The following DLGAP4 variants were observed in gnomAD, a reference collection of about 807,000 sequenced individuals.
The protein encoded by DLGAP4 is disks large-associated protein 4.
In DLGAP4, 18 loss-of-function variants were observed where a neutral mutation model predicts 86.9. The ratio of observed to expected loss-of-function variants is 0.21; its 90% confidence interval spans 0.14 to 0.31. DLGAP4 has a LOEUF of 0.31. Among genes scored for constraint, DLGAP4 ranks in the 10% least tolerant of loss-of-function variants. DLGAP4 has a pLI of 1.00. For synonymous variants in DLGAP4, 548 were observed against 574.3 expected (o/e 0.95, Z 0.65); for missense variants, 1,085 against 1,362.6 (o/e 0.80, Z 3.21).
At chr20:36,470,850 C>T (rs2034629925) in intron 7 of DLGAP4, among the ~76,000 whole-genome samples, 1 of 152,240 alleles carries the variant, frequency 6.6e-6, no homozygotes, top group African/African-American at 2.4e-5. Context: ...TTTCCATTGA[C>T]GGATAGACCA....
intron 2 of DLGAP4, among the ~76,000 whole-genome samples, chr20:36,425,807 G>A (rs1455076808): frequency 6.6e-6 from 1 of 152,132 alleles, no homozygotes; most frequent in East Asian, 1.9e-4. Flanking sequence ...GGCGACAAGA[G>A]CAAGACTCCA....
intron 2 of DLGAP4, among the ~76,000 whole-genome samples, chr20:36,409,323 C>T (rs917503920): frequency 1.3e-5 from 2 of 151,382 alleles, no homozygotes; most frequent in East Asian, 1.9e-4. Context: ...TGTGAGCCAC[C>T]GTGCACAACC....
At chr20:36,328,015 G>A (rs1047506630) in intron 1 of DLGAP4, among the ~76,000 whole-genome samples, 24 of 151,408 alleles carry the variant, frequency 1.6e-4, no homozygotes, top group African/African-American at 5.6e-4. Flanking sequence ...CCTGGCCAAC[G>A]TGGTGAAACT....
intron 2 of DLGAP4, among the ~76,000 whole-genome samples, chr20:36,381,208 GGCA>G (rs2031380854): frequency 6.6e-6 from 1 of 152,046 alleles, no homozygotes; most frequent in African/African-American, 2.4e-5. Flanking sequence ...TTGTGTTTTG[GGCA>G]CTGAACACAG....
At chr20:36,344,006 T>G (rs1029771547) in intron 1 of DLGAP4, among the ~76,000 whole-genome samples, 2 of 152,202 alleles carry the variant, frequency 1.3e-5, no homozygotes, top group South Asian at 4.1e-4. Context: ...AGGGGAGTGC[T>G]GTTCACCTTG....
At chr20:36,309,486 C>G (rs1251477750) in intron 1 of DLGAP4, among the ~76,000 whole-genome samples, 2 of 152,206 alleles carry the variant, frequency 1.3e-5, no homozygotes, top group Non-Finnish European at 2.9e-5. Context: ...CATGACTGTC[C>G]ATGTGCGTTC....
Position 36,469,610 on chromosome 20 carries a change from G to A in DLGAP4, c.1648+22673G>A, listed in dbSNP as rs574070489. The stretch of plus-strand genomic sequence containing the variant: ...TCTACTAAAAATACAAAAATTAGCC[G>A]AGCGTGGTGGAACATGCCTGTAATC... On this transcript the variant is annotated intron_variant, in intron 7 of 12. Coordinates refer to ENST00000339266, the MANE Select transcript of DLGAP4 (RefSeq NM_001365621.2). Among the ~76,000 whole-genome samples the A allele has an allele frequency of 2.0e-4, 30 of 152,122 alleles. No individual in the cohort carries two copies. The South Asian group carries it at 5.2e-3, about 26-fold the overall frequency.
At chr20:36,439,957 C>T in intron 5 of DLGAP4, 89 bp downstream of exon 5, 1 of 1,141,704 alleles carries the variant, frequency 8.8e-7, no homozygotes, top group Non-Finnish European at 1.3e-6. Context: ...CCAGCCCATG[C>T]TGAGTGGCCC....
At chr20:36,515,045 C>A (rs1333050240) in intron 10 of DLGAP4, among the ~76,000 whole-genome samples, 1 of 152,092 alleles carries the variant, frequency 6.6e-6, no homozygotes, top group Non-Finnish European at 1.5e-5. Context: ...CCAGTCACTC[C>A]AAGGACCACT....
At chr20:36,446,654 G>A (rs1485503297) in intron 6 of DLGAP4, 43 bp from the exon 7 acceptor site, 3 of 1,559,432 alleles carry the variant, frequency 1.9e-6, no homozygotes, top group African/African-American at 2.7e-5. Flanking sequence ...CCCCAGGATG[G>A]GCAAGATAGC....
intron 10 of DLGAP4, among the ~76,000 whole-genome samples, chr20:36,521,419 G>A (rs1339290928): frequency 2.0e-5 from 3 of 152,026 alleles, no homozygotes; most frequent in Admixed American, 1.3e-4. Flanking sequence ...GTACCCAGGT[G>A]CAGTCTTATA....
At chr20:36,462,315 C>G in intron 7 of DLGAP4, 1 of 1,347,758 alleles carries the variant, frequency 7.4e-7, no homozygotes, top group Admixed American at 4.2e-5. Context: ...AGCACCCCCA[C>G]TTCTCGGGAT....
chr20:36,391,167 G>A (rs1424601790), intron 2 of DLGAP4, among the ~76,000 whole-genome samples: 1 of 152,078 alleles, frequency 6.6e-6, no homozygotes, highest in Non-Finnish European at 1.5e-5. Flanking sequence ...GACTGCCCCC[G>A]ACACCCTGGC....
intron 1 of DLGAP4, among the ~76,000 whole-genome samples, chr20:36,332,816 C>A (rs1039192346): frequency 6.6e-6 from 1 of 152,078 alleles, no homozygotes; most frequent in Non-Finnish European, 1.5e-5. Flanking sequence ...TCCCAGCCCC[C>A]CACCAGTCAA....
Position 36,408,648 on chromosome 20 carries a change from C to A in DLGAP4, c.-72-22998C>A, listed in dbSNP as rs1204666435. On this transcript the variant is annotated intron_variant, in intron 2 of 12. Coordinates refer to ENST00000339266, the MANE Select transcript of DLGAP4 (RefSeq NM_001365621.2). ...GTGGGCTCTTTGCACAGCCTGGGCT[C>A]ACCTTTCCCCAGGCGTCTAGCACTG... Among the ~76,000 whole-genome samples, 3 of 152,344 alleles carry A rather than the reference C, an allele frequency of 2.0e-5. No individual in the cohort carries two copies. The East Asian group carries it at 5.8e-4, about 29-fold the overall frequency.
chr20:36,497,650 C>A, intron 8 of DLGAP4: 3 of 985,972 alleles, frequency 3.0e-6, no homozygotes, highest in Non-Finnish European at 3.6e-6. Flanking sequence ...AGGGTGATGC[C>A]GGTCTCACTG....
chr20:36,524,461 A>G, intron 11 of DLGAP4, 120 bp downstream of exon 11: 1 of 797,366 alleles, frequency 1.3e-6, no homozygotes, highest in Non-Finnish European at 2.0e-6. Context: ...CGGCTTCCTC[A>G]TGGTGCTGGA....
At position 36,500,314 on chromosome 20, in the gene DLGAP4, C is replaced by T. The variant is rs767492145; in HGVS notation, c.2215C>T (p.His739Tyr). The change falls in exon 10 of 13, where the codon CAC (histidine) becomes TAC (tyrosine). Residue 739 changes from histidine to tyrosine, a missense_variant. Coordinates refer to ENST00000339266, the MANE Select transcript of DLGAP4 (RefSeq NM_001365621.2). This position sits in a 1 kb window ranked among gnomAD's most constrained non-coding sequence, Gnocchi z 4.6. Reference sequence around the variant, plus strand: ...GAGGAGCCTCCCGGACTGTACCCCTCACCCCAACTCCATCAGCATCGATGC... The same window carrying T: ...GAGGAGCCTCCCGGACTGTACCCCTTACCCCAACTCCATCAGCATCGATGC... ...SERSLPDCTP[H>Y]PNSISIDAGP... 3 of 1,614,022 alleles carry T rather than the reference C, an allele frequency of 1.9e-6. No homozygotes were observed. Among genetic ancestry groups the T allele is most frequent in the South Asian group, 2.2e-5 (2 of 91,050 alleles).
intron 7 of DLGAP4, among the ~76,000 whole-genome samples, chr20:36,488,725 C>A (rs990943030): frequency 1.3e-5 from 2 of 151,936 alleles, no homozygotes; most frequent in Non-Finnish European, 2.9e-5. Context: ...CTACAGGCAT[C>A]CACCACCACA....
Sources: gnomAD v4.1 joint callset for allele counts (sites outside exome capture counted in the v4.1 genomes callset) on GRCh38, gnomAD v4.1.1 for gene constraint, Gnocchi (gnomAD v3.1) non-coding constraint, MANE v1.5 for transcripts, NCBI Gene and HGNC (gene_info 2026-07-23, HGNC 2026-07-21) for gene names.